PCOLCE2: variants seen among roughly 807,000 people sequenced by gnomAD.
The protein encoded by PCOLCE2 is procollagen C-endopeptidase enhancer 2, also known as procollagen C-proteinase enhancer 2.
PCOLCE2 carries 42 observed loss-of-function variants against 47.0 expected under a neutral mutation model. The ratio of observed to expected loss-of-function variants is 0.89; its 90% CI spans 0.70 to 1.16. PCOLCE2 has a LOEUF of 1.16. Among genes scored for constraint, PCOLCE2 ranks in the 50% most tolerant of loss-of-function variants. The probability of loss-of-function intolerance (pLI) is 0.00; values close to 1 mark genes in which losing one functional copy is unlikely to be tolerated. For missense variants in PCOLCE2, 500 were observed against 526.1 expected, an observed-to-expected ratio of 0.95 and a Z score of 0.49; for synonymous variants, 169 against 191.7, an observed-to-expected ratio of 0.88 and a Z score of 0.98.
At chr3:142,856,495 G>A (rs1933062269) in intron 2 of PCOLCE2, among the ~76,000 whole-genome samples, 4 of 152,322 alleles carry the variant, frequency 2.6e-5, no homozygotes, top group Non-Finnish European at 4.4e-5. Flanking sequence ...GCATGAAGAT[G>A]TTCGAAAGAT....
Position 142,888,814 on chromosome 3 carries a change from C to T in PCOLCE2, c.83G>A (p.Arg28Lys). ...GGAGCCCGGGCAGGGGTCGCGTTAC[C>T]TCTCTGGGGACTGCTGCCGCGAGAG... is the stretch of plus-strand genomic sequence containing the variant. The part of the protein sequence containing the change: ...TQLSRQQSPE[R>K]PVFTCGGILT... The change falls in exon 1 of 9, where the codon AGA (arginine) becomes AAA (lysine). Residue 28 changes from arginine to lysine, a missense_variant and splice_region_variant. Physicochemically the swap from Arg to Lys is conservative, Grantham distance 26. Coordinates refer to ENST00000295992, the MANE Select transcript of PCOLCE2 (RefSeq NM_013363.4). 1 of 1,521,052 alleles carries T rather than the reference C, an allele frequency of 6.6e-7. No homozygotes were observed. The allele number at this position is 1,521,052 out of a possible 1,614,324, so 94.2% of individuals were successfully genotyped here.
chr3:142,877,206 G>C (rs550950911), intron 2 of PCOLCE2, among the ~76,000 whole-genome samples: 2 of 152,236 alleles, frequency 1.3e-5, no homozygotes, highest in African/African-American at 4.8e-5. Flanking sequence ...AAGTCTTAAC[G>C]GTTATGGAAT....
In PCOLCE2 at chr3:142,830,181, C is replaced by T. The variant is rs111988882; in HGVS notation, c.711-335G>A. ...TATGTTGGGAGAGTCAGAACTTGAACCCAGGACCAGATAACTCTAGAGACT... is the reference window on the plus strand; with the variant it reads ...TATGTTGGGAGAGTCAGAACTTGAATCCAGGACCAGATAACTCTAGAGACT... On this transcript the variant is annotated intron_variant, in intron 5 of 8. Transcript: ENST00000295992. 2.2e-3 allele frequency among the ~76,000 whole-genome samples: 337 copies of T among 152,290 alleles called. 2 individuals are homozygous for T. Among genetic ancestry groups the T allele is most frequent in the African/African-American group, 7.6e-3 (317 of 41,558 alleles).
rs114736175 is a variant in PCOLCE2, at chr3:142,826,729, C to T, written c.865+2963G>A. 5.0e-3 allele frequency among the ~76,000 whole-genome samples: 761 copies of T among 152,274 alleles called. 6 individuals are homozygous for T. The highest frequency in any genetic ancestry group is 0.017 in the African/African-American group (717 of 41,548). ...AAGCCACTTACATAGATTGTGCTGG[C>T]GTCTCCAGTAGACTCCATGTCATGA... On this transcript the variant is annotated intron_variant, in intron 6 of 8. Coordinates refer to ENST00000295992, the MANE Select transcript of PCOLCE2 (RefSeq NM_013363.4).
chr3:142,888,750 G>A lies in PCOLCE2; in HGVS notation c.83+64C>T, dbSNP rs533213435. On this transcript the variant is annotated intron_variant, in intron 1 of 8. Transcript: ENST00000295992. ...CGAAGCGGGTTGAGTAAAGCAGCAG[G>A]CGAGGCTGCAGGGGTGGAGGAAGGG... The A allele has an allele frequency of 2.4e-5, 24 of 997,500 alleles. No individual in the cohort carries two copies. The African/African-American group carries it at 3.4e-4, about 14-fold the overall frequency. The allele number at this position is 997,500 out of a possible 1,614,324, so 61.8% of individuals were successfully genotyped here. A position where few individuals can be genotyped will look rare whatever the true frequency, so the allele number is the denominator to read the frequency against.
In PCOLCE2 at chr3:142,848,330, G is replaced by A. The variant is rs774897446; in HGVS notation, c.335C>T (p.Pro112Leu). The A allele has an allele frequency of 6.2e-7, 1 of 1,614,212 alleles. No individual in the cohort carries two copies. The highest frequency in any genetic ancestry group is 8.5e-7 in the Non-Finnish European group (1 of 1,180,032). Residue 112 changes from proline to leucine, a missense_variant, in exon 3 of 9, where the codon CCT (proline) becomes CTT (leucine). By Grantham distance (98) the Pro-to-Leu change is moderately conservative (BLOSUM62 -3). Transcript: ENST00000295992. ...RIGRFCGTFR[P>L]GALVSSGNKM... Reference sequence around the variant, plus strand: ...GTTGCCACTGGACACAAGGGCTCCAGGCCGGAAAGTGCCACAGAAGCGGCC... The same window carrying A: ...GTTGCCACTGGACACAAGGGCTCCAAGCCGGAAAGTGCCACAGAAGCGGCC...
rs755563896 is a variant in PCOLCE2, at chr3:142,842,915, G to C, written c.573+9C>G. 2.5e-5 allele frequency: 40 copies of C among 1,613,706 alleles called. No individual in the cohort carries two copies. The Admixed American group carries it at 3.5e-4, about 14-fold the overall frequency. On this transcript the variant is annotated intron_variant, in intron 4 of 8. Coordinates refer to ENST00000295992, the MANE Select transcript of PCOLCE2 (RefSeq NM_013363.4). The surrounding 1 kb of genome is among the most constrained non-coding windows in gnomAD (Gnocchi z 4.1). ...TGCATGCTTTCTTCACACTTCCAGG[G>C]AATCTCACCTGATTCTTTGGGGCTA... is the stretch of plus-strand genomic sequence containing the variant.
chr3:142,863,946 G>T (rs200863095), intron 2 of PCOLCE2: 2 of 152,042 alleles, frequency 1.3e-5, no homozygotes, highest in East Asian at 3.9e-4. Context: ...GAATCATTTT[G>T]CTCAGATGGT....
chr3:142,867,888 C>A (rs529985801), intron 2 of PCOLCE2, among the ~76,000 whole-genome samples: 1 of 152,088 alleles, frequency 6.6e-6, no homozygotes, highest in African/African-American at 2.4e-5. Flanking sequence ...TCCAAAGGAG[C>A]TAGGGCAGAA....
intron 5 of PCOLCE2, among the ~76,000 whole-genome samples, chr3:142,831,288 C>T (rs148080291): frequency 3.3e-5 from 5 of 152,304 alleles, no homozygotes; most frequent in Admixed American, 6.5e-5. Context: ...GGGAGTGGGA[C>T]TGATGGCTTT....
chr3:142,835,713 G>C (rs142073010), intron 5 of PCOLCE2, among the ~76,000 whole-genome samples: 2 of 152,132 alleles, frequency 1.3e-5, no homozygotes, highest in African/African-American at 2.4e-5. Flanking sequence ...CACGATTATA[G>C]CTCAGTGTGG....
At chr3:142,847,754 C>T (rs954986918) in intron 3 of PCOLCE2, among the ~76,000 whole-genome samples, 1 of 152,144 alleles carries the variant, frequency 6.6e-6, no homozygotes, top group Non-Finnish European at 1.5e-5. Flanking sequence ...CCAGGCTGGT[C>T]TTGAATTTCT....
intron 2 of PCOLCE2, among the ~76,000 whole-genome samples, chr3:142,866,896 C>T (rs6765644): frequency 0.017 from 2,542 of 152,316 alleles, 64 homozygotes; most frequent in African/African-American, 0.054. Context: ...CAGCTAAGAA[C>T]CAGGTCCACG....
At chr3:142,867,345 T>C (rs562448019) in intron 2 of PCOLCE2, among the ~76,000 whole-genome samples, 7 of 152,324 alleles carry the variant, frequency 4.6e-5, no homozygotes, top group Admixed American at 1.3e-4. Context: ...AAGAATATCT[T>C]TGCAATCTTG....
chr3:142,877,637 C>A (rs182645277), intron 2 of PCOLCE2, among the ~76,000 whole-genome samples: 1 of 152,270 alleles, frequency 6.6e-6, no homozygotes, highest in East Asian at 1.9e-4. Context: ...TAGAAAGTCC[C>A]AGAAACTTAA....
At chr3:142,887,833 G>C in intron 1 of PCOLCE2, 56 bp from the exon 2 acceptor site, 1 of 940,796 alleles carries the variant, frequency 1.1e-6, no homozygotes, top group Admixed American at 1.8e-5. Flanking sequence ...CTAACAATCT[G>C]ATGTTACCTT....
chr3:142,818,161 C>G lies in PCOLCE2; in HGVS notation c.*174G>C. 1.8e-6 allele frequency: 1 copy of G among 543,300 alleles called. No homozygotes were observed. The highest frequency in any genetic ancestry group is 2.9e-5 in the South Asian group (1 of 34,252). The allele number at this position is 543,300 out of a possible 1,614,324, so 33.7% of individuals were successfully genotyped here. On this transcript the variant is annotated 3_prime_UTR_variant, in exon 9 of 9. Transcript: ENST00000295992. ...TCCTCTGACAGCAGGCAAAGAACTT[C>G]CCTCAGCTATCTCGGAGGCCTCATA...
chr3:142,888,827 G>A lies in PCOLCE2; in HGVS notation c.70C>T (p.Gln24Ter). Residue 24 changes from glutamine to a stop codon, truncating the protein, a stop_gained, in exon 1 of 9, where the codon CAG becomes TAG. Coordinates refer to ENST00000295992, the MANE Select transcript of PCOLCE2 (RefSeq NM_013363.4). LOFTEE classifies it high-confidence loss of function. ...GGGTCGCGTTACCTCTCTGGGGACT[G>A]CTGCCGCGAGAGCTGGGTGGCGGCA... ...LAAATQLSRQ[Q>*]SPERPVFTCG... is the part of the protein sequence containing the mutation. The A allele has an allele frequency of 6.5e-7, 1 of 1,542,000 alleles. No individual in the cohort carries two copies.
rs1244828499 is a variant in PCOLCE2, at chr3:142,871,600, T to A, written c.192+16069A>T. Among the ~76,000 whole-genome samples the A allele has an allele frequency of 2.6e-5, 4 of 152,172 alleles. No homozygotes were observed. The East Asian group carries it at 7.7e-4, about 29-fold the overall frequency. On this transcript the variant is annotated intron_variant, in intron 2 of 8. Transcript: ENST00000295992. ...GATAATGTGGGTGGCCCTCATCCAA[T>A]CAGTTGGAAGGCCTTAAGAACAAAA...
Sources: gnomAD v4.1 joint callset for allele counts (sites outside exome capture counted in the v4.1 genomes callset) on GRCh38, gnomAD v4.1.1 for gene constraint, Gnocchi (gnomAD v3.1) non-coding constraint, MANE v1.5 for transcripts, NCBI Gene and HGNC (gene_info 2026-07-23, HGNC 2026-07-21) for gene names.